Variants in KAZN observed in about 807,000 individuals in gnomAD.
KAZN encodes kazrin, periplakin interacting protein.
In KAZN, 40 loss-of-function variants were observed where a neutral mutation model predicts 87.4. That is an observed-to-expected ratio of 0.46 (90% CI 0.36 to 0.60). The LOEUF (loss-of-function observed/expected upper bound fraction) is 0.60. Ranked by LOEUF, KAZN falls within the 20% of genes least tolerant of loss-of-function variation. The probability of loss-of-function intolerance (pLI) is 0.00; values close to 1 mark genes in which losing one functional copy is unlikely to be tolerated. For missense variants in KAZN, 898 were observed against 1,073.9 expected (o/e 0.84, Z 2.29); for synonymous variants, 466 against 458.3 (o/e 1.02, Z -0.22).
At chr1:14,302,571 G>A (rs940677886) in intron 2 of KAZN, among the ~76,000 whole-genome samples, 3 of 152,216 alleles carry the variant, frequency 2.0e-5, no homozygotes, top group African/African-American at 7.2e-5. Flanking sequence ...GATTCCAGGT[G>A]TAACAAGAAT....
intron 1 of KAZN, among the ~76,000 whole-genome samples, chr1:13,942,225 C>CG (rs1172384572): frequency 6.6e-6 from 1 of 151,968 alleles, no homozygotes; most frequent in African/African-American, 2.4e-5. Flanking sequence ...CAAAGCAGAA[C>CG]AAATTTTTTT....
At chr1:14,037,191 T>C (rs1641597756) in intron 1 of KAZN, among the ~76,000 whole-genome samples, 1 of 152,232 alleles carries the variant, frequency 6.6e-6, no homozygotes. Context: ...TCCATGCCAG[T>C]AAATACAGTT....
chr1:15,046,845 G>A (rs886374021), intron 4 of KAZN, among the ~76,000 whole-genome samples: 2 of 152,238 alleles, frequency 1.3e-5, no homozygotes, highest in Admixed American at 1.3e-4. Context: ...AGAAACCTTT[G>A]AACTTGCAGG....
intron 2 of KAZN, among the ~76,000 whole-genome samples, chr1:14,374,707 G>A (rs570487294): frequency 1.3e-5 from 2 of 152,294 alleles, no homozygotes; most frequent in East Asian, 1.9e-4. Flanking sequence ...CTCTCAGAAT[G>A]TAGATTCCTG....
At chr1:13,901,417 T>C (rs1639246411) in intron 1 of KAZN, among the ~76,000 whole-genome samples, 1 of 152,182 alleles carries the variant, frequency 6.6e-6, no homozygotes. Flanking sequence ...GGATATTTGG[T>C]CTGAAACAAG....
chr1:14,865,082 G>A lies in KAZN; in HGVS notation c.227-95602G>A, dbSNP rs1051728580. 2.6e-5 allele frequency among the ~76,000 whole-genome samples: 4 copies of A among 152,128 alleles called. No homozygotes were observed. In the East Asian group the frequency reaches 7.7e-4, roughly 29 times the overall value. On this transcript the variant is annotated intron_variant, in intron 1 of 14. Coordinates refer to ENST00000376030, the MANE Select transcript of KAZN (RefSeq NM_201628.3). ...CCGTCCAAAATGGATTGGAATGTGT[G>A]AGAGGAAGCTAGCTACTCAACACTG...
At chr1:13,952,772 G>C (rs1641401341) in intron 1 of KAZN, among the ~76,000 whole-genome samples, 1 of 152,156 alleles carries the variant, frequency 6.6e-6, no homozygotes, top group South Asian at 2.1e-4. Context: ...AAGGCCACTG[G>C]CCAGCCGGAG....
intron 1 of KAZN, among the ~76,000 whole-genome samples, chr1:14,826,427 C>G (rs1489076778): frequency 2.0e-5 from 3 of 152,248 alleles, no homozygotes; most frequent in East Asian, 1.9e-4. Flanking sequence ...TGCAATTGCA[C>G]TCAAGCCTGA....
intron 2 of KAZN, among the ~76,000 whole-genome samples, chr1:14,341,619 T>G (rs1657731844): frequency 6.6e-6 from 1 of 152,134 alleles, no homozygotes; most frequent in South Asian, 2.1e-4. Flanking sequence ...CCCTCAGTCA[T>G]CCACATGGCT....
At chr1:14,288,893 A>T (rs970719761) in intron 2 of KAZN, among the ~76,000 whole-genome samples, 1 of 152,090 alleles carries the variant, frequency 6.6e-6, no homozygotes, top group Non-Finnish European at 1.5e-5. Flanking sequence ...CTTTGTTCTC[A>T]TTGGTTCCAA....
At chr1:14,922,071 A>G (rs949191753) in intron 1 of KAZN, among the ~76,000 whole-genome samples, 2 of 152,268 alleles carry the variant, frequency 1.3e-5, no homozygotes, top group African/African-American at 4.8e-5. Flanking sequence ...TATCAAAAGT[A>G]TAATTCATGT....
At position 14,689,199 on chromosome 1, in the gene KAZN, CAAAA is replaced by C. The variant is rs1243410366; in HGVS notation, c.226+89977_226+89980del. ...GACAGAGTCAGACTCTGTCTCAAAA[CAAAA>C]CAAAACAAAACAAAACAAAACAAAA... On this transcript the variant is annotated intron_variant, in intron 1 of 14. Coordinates refer to ENST00000376030, the MANE Select transcript of KAZN (RefSeq NM_201628.3). 3.3e-4 allele frequency among the ~76,000 whole-genome samples: 11 copies of C among 33,626 alleles called. 1 individual carries two copies. The East Asian group carries it at 9.3e-3, about 28-fold the overall frequency. 22.1% of individuals were successfully genotyped at this position (33,626 alleles called of 152,430 possible). A position where few individuals can be genotyped will look rare whatever the true frequency, so the allele number is the denominator to read the frequency against.
intron 2 of KAZN, among the ~76,000 whole-genome samples, chr1:14,369,663 C>G (rs1215897418): frequency 6.6e-6 from 1 of 150,984 alleles, no homozygotes; most frequent in Non-Finnish European, 1.5e-5. Context: ...GCACATCTCT[C>G]GAGGAAGGTA....
At chr1:14,887,252 T>G (rs961320937) in intron 1 of KAZN, among the ~76,000 whole-genome samples, 8 of 152,214 alleles carry the variant, frequency 5.3e-5, no homozygotes, top group African/African-American at 1.9e-4. Flanking sequence ...CTAAACTGAT[T>G]AAATAATTAT....
intron 1 of KAZN, among the ~76,000 whole-genome samples, chr1:14,052,598 G>A (rs572341000): frequency 2.1e-4 from 32 of 152,270 alleles, no homozygotes; most frequent in Non-Finnish European, 4.4e-4. Flanking sequence ...TGTGCTATGT[G>A]GGGTCAAATG....
intron 1 of KAZN, among the ~76,000 whole-genome samples, chr1:14,606,294 T>C (rs566329): frequency 0.82 from 124,648 of 152,118 alleles, 51,289 homozygotes; most frequent in African/African-American, 0.88. Flanking sequence ...AGCTGTAGCC[T>C]TGTCTCTACT....
At position 14,599,179 on chromosome 1, in the gene KAZN, A is replaced by G; in HGVS notation, c.182A>G (p.Asp61Gly). Residue 61 changes from aspartate to glycine, a missense_variant, in exon 1 of 15, where the codon GAC becomes GGC. This residue lies in a region of KAZN where 250 missense variants were observed against 263.0 expected (regional missense o/e 0.95). Coordinates refer to ENST00000376030, the MANE Select transcript of KAZN (RefSeq NM_201628.3). This position sits in a 1 kb window ranked among gnomAD's most constrained non-coding sequence, Gnocchi z 4.4. ...GAAASASAAGDSAATNMENPQ... is the reference protein window; with the variant it reads ...GAAASASAAGGSAATNMENPQ... ...GCGGCCAGCGCCTCGGCGGCGGGGGACTCGGCGGCGACGAACATGGAGAAC... is the reference window on the plus strand; with the variant it reads ...GCGGCCAGCGCCTCGGCGGCGGGGGGCTCGGCGGCGACGAACATGGAGAAC... 7.3e-7 allele frequency: 1 copy of G among 1,375,514 alleles called. No homozygotes were observed. The highest frequency in any genetic ancestry group is 9.4e-7 in the Non-Finnish European group (1 of 1,067,196). The allele number at this position is 1,375,514 out of a possible 1,614,324, so 85.2% of individuals were successfully genotyped here. A position where few individuals can be genotyped will look rare whatever the true frequency, so the allele number is the denominator to read the frequency against.
chr1:14,465,832 A>G (rs778336990), intron 2 of KAZN, among the ~76,000 whole-genome samples: 1 of 152,226 alleles, frequency 6.6e-6, no homozygotes. Flanking sequence ...TCCATTATAT[A>G]GTTATGCACC....
intron 2 of KAZN, among the ~76,000 whole-genome samples, chr1:15,019,122 C>T (rs1301760539): frequency 2.6e-5 from 4 of 152,224 alleles, no homozygotes; most frequent in Non-Finnish European, 1.5e-5. Context: ...TGTACCTCCA[C>T]ACCTTCCAGG....
Sources: gnomAD v4.1 joint callset for allele counts (sites outside exome capture counted in the v4.1 genomes callset) on GRCh38, gnomAD v4.1.1 for gene constraint, gnomAD v4.1.1 regional missense constraint, Gnocchi (gnomAD v3.1) non-coding constraint, MANE v1.5 for transcripts, NCBI Gene and HGNC (gene_info 2026-07-23, HGNC 2026-07-21) for gene names.